GRID1: variants seen among roughly 807,000 people sequenced by gnomAD.
GRID1 encodes the protein glutamate ionotropic receptor delta type subunit 1.
GRID1 carries 28 observed loss-of-function variants against 98.0 expected under a neutral mutation model. The ratio of observed to expected loss-of-function variants is 0.29; its 90% CI spans 0.21 to 0.39. GRID1 has a LOEUF of 0.39. Among genes scored for constraint, GRID1 ranks in the 10% least tolerant of loss-of-function variants. GRID1 has a pLI of 1.00. For synonymous variants in GRID1, 553 were observed against 538.5 expected (o/e 1.03, Z -0.37); for missense variants, 1,111 against 1,340.5 (o/e 0.83, Z 2.67).
intron 12 of GRID1, among the ~76,000 whole-genome samples, chr10:85,660,199 T>A (rs116666057): frequency 0.039 from 5,995 of 152,290 alleles, 144 homozygotes; most frequent in Middle Eastern, 0.061. Flanking sequence ...CTGGGGGGCA[T>A]CAATGGGAGC....
At chr10:85,961,073 C>A (rs982300627) in intron 4 of GRID1, among the ~76,000 whole-genome samples, 1 of 152,038 alleles carries the variant, frequency 6.6e-6, no homozygotes, top group Non-Finnish European at 1.5e-5. Flanking sequence ...CAGAAGTGGG[C>A]CCTGCCTTGT....
chr10:85,909,971 G>A (rs1362198364), intron 5 of GRID1, among the ~76,000 whole-genome samples: 1 of 152,016 alleles, frequency 6.6e-6, no homozygotes, highest in African/African-American at 2.4e-5. Context: ...CATAATGAAG[G>A]TGATACTCAA....
chr10:86,132,692 G>C (rs913029189), intron 4 of GRID1, among the ~76,000 whole-genome samples: 1 of 152,220 alleles, frequency 6.6e-6, no homozygotes, highest in Non-Finnish European at 1.5e-5. Flanking sequence ...AGAACGTTGA[G>C]ATTGCTAATT....
intron 2 of GRID1, among the ~76,000 whole-genome samples, chr10:86,323,093 T>C (rs1486145912): frequency 2.0e-5 from 3 of 152,076 alleles, no homozygotes; most frequent in Admixed American, 1.3e-4. Context: ...CAAGACTCTA[T>C]ATGAAAAAGA....
intron 4 of GRID1, among the ~76,000 whole-genome samples, chr10:85,997,893 C>A (rs1288264708): frequency 6.6e-6 from 1 of 151,928 alleles, no homozygotes; most frequent in Non-Finnish European, 1.5e-5. Flanking sequence ...TGTGGAAACA[C>A]TAATCAAATA....
intron 3 of GRID1, among the ~76,000 whole-genome samples, chr10:86,181,034 G>A (rs372342392): frequency 7.2e-5 from 11 of 152,096 alleles, no homozygotes; most frequent in African/African-American, 2.4e-4. Flanking sequence ...AACCTCCCCC[G>A]AACACACAGT....
intron 4 of GRID1, among the ~76,000 whole-genome samples, chr10:85,927,686 T>G (rs1375082819): frequency 6.6e-6 from 1 of 152,202 alleles, no homozygotes; most frequent in Non-Finnish European, 1.5e-5. Flanking sequence ...ACTTTCTTTG[T>G]TCGAGAAACA....
At position 85,659,212 on chromosome 10, in the gene GRID1, G is replaced by A. The variant is rs534994009; in HGVS notation, c.1998-11815C>T. 4.6e-5 allele frequency among the ~76,000 whole-genome samples: 7 copies of A among 152,332 alleles called. No homozygotes were observed. In the South Asian group the frequency reaches 8.3e-4, roughly 18 times the overall value. On this transcript the variant is annotated intron_variant, in intron 12 of 15. Coordinates refer to ENST00000327946, the MANE Select transcript of GRID1 (RefSeq NM_017551.3). ...ATGCATAAATGTGCACACCTGTTCC[G>A]GCCTGGGTGTGTTCATGTAAGAGTG... is the stretch of plus-strand genomic sequence containing the variant.
chr10:85,971,667 G>C (rs960468602), intron 4 of GRID1, among the ~76,000 whole-genome samples: 1 of 152,108 alleles, frequency 6.6e-6, no homozygotes, highest in Non-Finnish European at 1.5e-5. Flanking sequence ...CTTTGGAATA[G>C]CTGAAATTAA....
chr10:85,606,453 G>C (rs1010461854), intron 15 of GRID1: 9 of 152,190 alleles, frequency 5.9e-5, no homozygotes, highest in African/African-American at 1.9e-4. Context: ...GCCATCTCAA[G>C]TCTCTTATTT....
At chr10:85,895,823 A>T (rs2131812419) in intron 5 of GRID1, among the ~76,000 whole-genome samples, 1 of 152,316 alleles carries the variant, frequency 6.6e-6, no homozygotes, top group East Asian at 1.9e-4. Context: ...TCCGAGGAAA[A>T]TGAGAATCAG....
In GRID1 at chr10:85,680,312, G is replaced by A. The variant is rs143268033; in HGVS notation, c.1998-32915C>T. ...TTCCTCCATTCCAGCTGCCCCTGGC[G>A]ACTACACCCTCACTCCTTCCCTAGC... On this transcript the variant is annotated intron_variant, in intron 12 of 15. Transcript: ENST00000327946. Among the ~76,000 whole-genome samples the A allele has an allele frequency of 5.4e-3, 817 of 152,040 alleles. 13 individuals are homozygous for A. In the South Asian group the frequency reaches 0.06, roughly 11 times the overall value.
chr10:86,010,534 T>C (rs1041661063), intron 4 of GRID1, among the ~76,000 whole-genome samples: 2 of 152,090 alleles, frequency 1.3e-5, no homozygotes, highest in Non-Finnish European at 2.9e-5. Flanking sequence ...AAGGAAGTAA[T>C]GAGGCCGGGT....
intron 13 of GRID1, among the ~76,000 whole-genome samples, chr10:85,629,307 G>A (rs1231594277): frequency 6.6e-6 from 1 of 152,156 alleles, no homozygotes; most frequent in African/African-American, 2.4e-5. Context: ...AGTGAAGTCT[G>A]GGATTTTATT....
intron 12 of GRID1, among the ~76,000 whole-genome samples, chr10:85,688,007 T>C (rs1213531434): frequency 6.6e-6 from 1 of 151,986 alleles, no homozygotes; most frequent in African/African-American, 2.4e-5. Context: ...CCCAGGAAAA[T>C]AGGATTGTTC....
At chr10:85,952,218 A>ACCAAAG in intron 4 of GRID1, among the ~76,000 whole-genome samples, 1 of 152,244 alleles carries the variant, frequency 6.6e-6, no homozygotes, top group Non-Finnish European at 1.5e-5. Flanking sequence ...AACAGAGTTA[A>ACCAAAG]TAATTTTCAG....
chr10:85,932,798 C>T (rs1353638647), intron 4 of GRID1, among the ~76,000 whole-genome samples: 2 of 152,174 alleles, frequency 1.3e-5, no homozygotes, highest in African/African-American at 4.8e-5. Flanking sequence ...TGCAAGGTGG[C>T]TGGACCAGGG....
chr10:86,174,497 T>C (rs558572907), intron 3 of GRID1, among the ~76,000 whole-genome samples: 293 of 151,622 alleles, frequency 1.9e-3, no homozygotes, highest in African/African-American at 6.7e-3. Context: ...TAATTCAAGA[T>C]GGATTAAAGA....
chr10:86,229,144 T>C (rs1846407531), intron 2 of GRID1, among the ~76,000 whole-genome samples: 1 of 152,080 alleles, frequency 6.6e-6, no homozygotes. Context: ...TCAGCCCCAT[T>C]CCCTCAATCT....
Sources: gnomAD v4.1 joint callset for allele counts (sites outside exome capture counted in the v4.1 genomes callset) on GRCh38, gnomAD v4.1.1 for gene constraint, MANE v1.5 for transcripts, NCBI Gene and HGNC (gene_info 2026-07-23, HGNC 2026-07-21) for gene names.